Variants in IQSEC3 observed in about 807,000 individuals in gnomAD.
The protein encoded by IQSEC3 is IQ motif and Sec7 domain ArfGEF 3.
In IQSEC3, 50 loss-of-function variants were observed where a neutral mutation model predicts 105.4. The ratio of observed to expected loss-of-function variants is 0.47; its 90% CI spans 0.38 to 0.60. The LOEUF (loss-of-function observed/expected upper bound fraction) is 0.60, where lower values mean the gene tolerates loss of function less well. Among genes scored for constraint, IQSEC3 ranks in the 20% least tolerant of loss-of-function variants. IQSEC3 has a pLI of 0.00. For missense variants in IQSEC3, 1,415 were observed against 1,630.0 expected, an observed-to-expected ratio of 0.87 and a Z score of 2.27; for synonymous variants, 708 against 746.0, an observed-to-expected ratio of 0.95 and a Z score of 0.83.
chr12:161,268 G>T (rs1172234302), intron 7 of IQSEC3, among the ~76,000 whole-genome samples: 1 of 152,354 alleles, frequency 6.6e-6, no homozygotes, highest in East Asian at 1.9e-4. Context: ...TTAATCGCCT[G>T]TTTCTCCAAA....
intron 1 of IQSEC3, among the ~76,000 whole-genome samples, chr12:89,676 T>C (rs1864021717): frequency 6.6e-6 from 1 of 152,220 alleles, no homozygotes. Context: ...TAGAATATTA[T>C]ATAAGTGGAA....
chr12:88,824 G>A (rs1349799017), intron 1 of IQSEC3, among the ~76,000 whole-genome samples: 2 of 152,126 alleles, frequency 1.3e-5, no homozygotes, highest in Non-Finnish European at 2.9e-5. Flanking sequence ...AAGTCAAGAT[G>A]GCATCCTGGT....
At chr12:137,037 A>C (rs1295357633) in intron 3 of IQSEC3, among the ~76,000 whole-genome samples, 2 of 151,944 alleles carry the variant, frequency 1.3e-5, no homozygotes, top group Non-Finnish European at 2.9e-5. Context: ...CATGCCCCCG[A>C]GCCCACCCCA....
At chr12:103,211 C>G (rs1565396797) in intron 2 of IQSEC3, among the ~76,000 whole-genome samples, 1 of 151,502 alleles carries the variant, frequency 6.6e-6, no homozygotes, top group Non-Finnish European at 1.5e-5. Flanking sequence ...GACAATGACC[C>G]GGTAGCTGGC....
chr12:165,478 C>G lies in IQSEC3; in HGVS notation c.2754C>G (p.Thr918=). Residue 918 remains threonine (T), a synonymous_variant, in exon 10 of 14, where the codon ACC becomes ACG. Transcript: ENST00000538872. ...CPKKKSSSTY[T]FCKSVGLLGM... ...AGAAGAAGAGCTCCTCCACGTACAC[C>G]TTTTGCAAGTCAGTTGGCCTGCTGG... 4 of 1,614,136 alleles carry G rather than the reference C, an allele frequency of 2.5e-6. No homozygotes were observed.
chr12:126,769 C>A (rs1418265482), intron 3 of IQSEC3, among the ~76,000 whole-genome samples: 10 of 152,186 alleles, frequency 6.6e-5, no homozygotes, highest in Non-Finnish European at 1.3e-4. Context: ...TCCAAGGTCC[C>A]TTCTGCCCCA....
intron 1 of IQSEC3, among the ~76,000 whole-genome samples, chr12:88,163 T>C (rs565768149): frequency 1.3e-5 from 2 of 152,296 alleles, no homozygotes; most frequent in South Asian, 4.2e-4. Flanking sequence ...CTAACAGATA[T>C]TCCTAAGACA....
At chr12:163,387 G>A (rs1591747860) in intron 8 of IQSEC3, 107 bp from the exon 9 acceptor site, 3 of 1,043,514 alleles carry the variant, frequency 2.9e-6, no homozygotes, top group East Asian at 6.7e-5. Context: ...CACAGAACCG[G>A]GCCCCTCCCC....
intron 3 of IQSEC3, among the ~76,000 whole-genome samples, chr12:134,933 C>G (rs1337562422): frequency 6.6e-6 from 1 of 152,096 alleles, no homozygotes; most frequent in Non-Finnish European, 1.5e-5. Context: ...TCAAGTCCAG[C>G]CTGGCAAACA....
At chr12:120,017 C>T (rs781954868) in intron 2 of IQSEC3, among the ~76,000 whole-genome samples, 9 of 152,220 alleles carry the variant, frequency 5.9e-5, no homozygotes, top group Non-Finnish European at 8.8e-5. Flanking sequence ...CCTATCCATC[C>T]ATCCATCCAC....
chr12:161,569 GACGA>G (rs1206773371), intron 7 of IQSEC3, among the ~76,000 whole-genome samples: 1 of 152,150 alleles, frequency 6.6e-6, no homozygotes, highest in Non-Finnish European at 1.5e-5. Flanking sequence ...TGGGGGGTGA[GACGA>G]ACACAAGGAA....
chr12:144,748 T>A (rs1431212335), intron 5 of IQSEC3, among the ~76,000 whole-genome samples: 2 of 152,268 alleles, frequency 1.3e-5, no homozygotes, highest in African/African-American at 4.8e-5. Context: ...AGAAGGAATG[T>A]ATTCTTACCA....
At chr12:118,034 T>C (rs554094194) in intron 2 of IQSEC3, among the ~76,000 whole-genome samples, 1 of 152,242 alleles carries the variant, frequency 6.6e-6, no homozygotes, top group African/African-American at 2.4e-5. Context: ...GAGCTGGGCC[T>C]CTCCTTCCTG....
intron 1 of IQSEC3, among the ~76,000 whole-genome samples, chr12:74,460 T>C (rs1863440996): frequency 6.6e-6 from 1 of 152,282 alleles, no homozygotes; most frequent in South Asian, 2.1e-4. Context: ...TGCTGATGTG[T>C]GTGTGTGCCC....
At chr12:99,037 G>C in intron 1 of IQSEC3, 109 bp from the exon 2 acceptor site, 1 of 955,034 alleles carries the variant, frequency 1.0e-6, no homozygotes, top group East Asian at 2.6e-5. Flanking sequence ...GGGCTCAAAA[G>C]GGCGGGGGTA....
At chr12:107,989 A>G (rs1324683365) in intron 2 of IQSEC3, among the ~76,000 whole-genome samples, 1 of 152,134 alleles carries the variant, frequency 6.6e-6, no homozygotes, top group Non-Finnish European at 1.5e-5. Flanking sequence ...CTCTTCAGAA[A>G]GTTGGGGTTT....
In IQSEC3 at chr12:171,165, A is replaced by T. The variant is rs782235124; in HGVS notation, c.3114+4A>T. 5.6e-6 allele frequency: 9 copies of T among 1,614,062 alleles called. No individual in the cohort carries two copies. The highest frequency in any genetic ancestry group is 7.6e-6 in the Non-Finnish European group (9 of 1,179,972). On this transcript the variant is annotated splice_donor_region_variant and intron_variant, in intron 13 of 13. Transcript: ENST00000538872. ...GCCGGCGGAGAGCACGGTGGAGGTAAGTGGAGCCCTGGTTGCCCAGGTGAG... is the reference window on the plus strand; with the variant it reads ...GCCGGCGGAGAGCACGGTGGAGGTATGTGGAGCCCTGGTTGCCCAGGTGAG...
chr12:132,379 G>A lies in IQSEC3; in HGVS notation c.904-5888G>A, dbSNP rs562843296. 1.4e-4 allele frequency among the ~76,000 whole-genome samples: 21 copies of A among 152,242 alleles called. No homozygotes were observed. The East Asian group carries it at 1.9e-3, about 14-fold the overall frequency. ...TAGGGTTGGAAAACCAGGAAGAAGCGTTTTTATCTGTTTGGGGCAATGGTT... is the reference window on the plus strand; with the variant it reads ...TAGGGTTGGAAAACCAGGAAGAAGCATTTTTATCTGTTTGGGGCAATGGTT... On this transcript the variant is annotated intron_variant, in intron 3 of 13. Transcript: ENST00000538872.
chr12:98,884 T>A (rs1393421227), intron 1 of IQSEC3, among the ~76,000 whole-genome samples: 1 of 152,024 alleles, frequency 6.6e-6, no homozygotes, highest in Admixed American at 6.5e-5. Context: ...GAAGGGTGAG[T>A]TCCCAGGGAG....
Sources: allele counts gnomAD v4.1 joint callset (sites outside exome capture counted in the v4.1 genomes callset), GRCh38; gene constraint gnomAD v4.1.1; transcripts MANE v1.5; gene names NCBI Gene and HGNC (gene_info 2026-07-23, HGNC 2026-07-21).